The following IFNA2 variants were observed in gnomAD, a reference collection of about 807,000 sequenced individuals.
The protein encoded by IFNA2 is interferon alpha-2.
For synonymous variants in IFNA2, 91 were observed against 80.7 expected (o/e 1.13, Z -0.68); for missense variants, 260 against 210.3 (o/e 1.24, Z -1.46).
chr9:21,384,803 A>G lies in IFNA2; in HGVS notation c.527T>C (p.Leu176Ser). The change falls in exon 1 of 1, where the codon TTG (leucine) becomes TCG (serine). Residue 176 changes from leucine (L) to serine (S), a missense_variant. Physicochemically the swap from Leu to Ser is moderately radical, Grantham distance 145. Transcript: ENST00000380206. ...TAAACTTTCTTGCAAGTTTGTTGAC[A>G]AAGAAAAAGATCTCATGATTTCTGC... ...VRAEIMRSFSLSTNLQESLRS... is the reference protein window; with the variant it reads ...VRAEIMRSFSSSTNLQESLRS... 1 of 1,611,640 alleles carries G rather than the reference A, an allele frequency of 6.2e-7. No homozygotes were observed. The highest frequency in any genetic ancestry group is 8.5e-7 in the Non-Finnish European group (1 of 1,179,248).
rs760090357 is a variant in IFNA2 at position 21,385,351 on chromosome 9, T to C, written c.-22A>G. On this transcript the variant is annotated 5_prime_UTR_variant, in exon 1 of 1. Coordinates refer to ENST00000380206, the MANE Select transcript of IFNA2 (RefSeq NM_000605.4). Reference sequence around the variant, plus strand: ...CCATTGTAGATGTTGCAGATGCTGCTAGACTGGTTGAAATGGGTGAGCCTA... The same window carrying C: ...CCATTGTAGATGTTGCAGATGCTGCCAGACTGGTTGAAATGGGTGAGCCTA... 1.3e-6 allele frequency: 2 copies of C among 1,577,980 alleles called. No individual in the cohort carries two copies. The highest frequency in any genetic ancestry group is 1.7e-6 in the Non-Finnish European group (2 of 1,164,034).
In IFNA2 at chr9:21,384,802, C is replaced by T; in HGVS notation, c.528G>A (p.Leu176=). 3 of 1,611,318 alleles carry T rather than the reference C, an allele frequency of 1.9e-6. No individual in the cohort carries two copies. Among genetic ancestry groups the T allele is most frequent in the Middle Eastern group, 1.7e-4 (1 of 6,038 alleles). ...TTAAACTTTCTTGCAAGTTTGTTGA[C>T]AAAGAAAAAGATCTCATGATTTCTG... ...VRAEIMRSFS[L]STNLQESLRS... Residue 176 remains leucine, a synonymous_variant, in exon 1 of 1, where the codon TTG becomes TTA. Transcript: ENST00000380206.
rs767988415 is a variant in IFNA2 at position 21,385,278 on chromosome 9, A to T, written c.52T>A (p.Ser18Thr). ...AGATCACAGCCCACAGAGCAGCTTGACTTGCAGCTGAGCACCAGGAGGGCC... is the reference window on the plus strand; with the variant it reads ...AGATCACAGCCCACAGAGCAGCTTGTCTTGCAGCTGAGCACCAGGAGGGCC... Reference protein sequence around the residue: ...LVALLVLSCKSSCSVGCDLPQ... With the variant: ...LVALLVLSCKTSCSVGCDLPQ... Residue 18 changes from serine to threonine, a missense_variant, in exon 1 of 1, where the codon TCA becomes ACA. Ser to Thr is a moderately conservative substitution (Grantham distance 58). Transcript: ENST00000380206. The T allele has an allele frequency of 1.2e-6, 2 of 1,613,610 alleles. No homozygotes were observed.
Position 21,385,284 on chromosome 9 carries a change from A to C in IFNA2, c.46T>G (p.Cys16Gly), listed in dbSNP as rs773431420. The change falls in exon 1 of 1, where the codon TGC becomes GGC. Residue 16 changes from cysteine to glycine, a missense_variant. Physicochemically the swap from Cys to Gly is radical, Grantham distance 159. Transcript: ENST00000380206. ...CAGCCCACAGAGCAGCTTGACTTGC[A>C]GCTGAGCACCAGGAGGGCCACCAGT... ...ALLVALLVLSCKSSCSVGCDL... is the reference protein window; with the variant it reads ...ALLVALLVLSGKSSCSVGCDL... 1 of 1,613,714 alleles carries C rather than the reference A, an allele frequency of 6.2e-7. No individual in the cohort carries two copies. The highest frequency in any genetic ancestry group is 8.5e-7 in the Non-Finnish European group (1 of 1,179,810).
chr9:21,385,296 G>T lies in IFNA2; in HGVS notation c.34C>A (p.Leu12Met). ...ALTFALLVALLVLSCKSSCSV... is the reference protein window; with the variant it reads ...ALTFALLVALMVLSCKSSCSV... Reference sequence around the variant, plus strand: ...CAGCTTGACTTGCAGCTGAGCACCAGGAGGGCCACCAGTAAAGCAAAGGTC... The same window carrying T: ...CAGCTTGACTTGCAGCTGAGCACCATGAGGGCCACCAGTAAAGCAAAGGTC... Residue 12 changes from leucine (L) to methionine (M), a missense_variant, in exon 1 of 1, where the codon CTG (leucine) becomes ATG (methionine). Leu to Met is a conservative substitution (Grantham distance 15). Transcript: ENST00000380206. 6.2e-7 allele frequency: 1 copy of T among 1,613,294 alleles called. No individual in the cohort carries two copies. Among genetic ancestry groups the T allele is most frequent in the South Asian group, 1.1e-5 (1 of 91,006 alleles).
In IFNA2 at chr9:21,384,711, A is replaced by G; in HGVS notation, c.*52T>C. On this transcript the variant is annotated 3_prime_UTR_variant, in exon 1 of 1. Transcript: ENST00000380206. ...GTCTTTGAAATGGCAGATCATAAAAAGGTGAGCTGGCATACGAATCAATGA... is the reference window on the plus strand; with the variant it reads ...GTCTTTGAAATGGCAGATCATAAAAGGGTGAGCTGGCATACGAATCAATGA... 6.7e-7 allele frequency: 1 copy of G among 1,481,550 alleles called. No individual in the cohort carries two copies. The highest frequency in any genetic ancestry group is 1.3e-5 in the South Asian group (1 of 75,850). The allele number at this position is 1,481,550 out of a possible 1,614,324, so 91.8% of individuals were successfully genotyped here.
At position 21,384,539 on chromosome 9, in the gene IFNA2, T is replaced by G. The variant is rs537205729; in HGVS notation, c.*224A>C. The G allele has an allele frequency of 5.7e-6, 1 of 175,394 alleles. No homozygotes were observed. The highest frequency in any genetic ancestry group is 2.4e-5 in the African/African-American group (1 of 41,974). 10.9% of individuals were successfully genotyped at this position (175,394 alleles called of 1,614,324 possible). On this transcript the variant is annotated 3_prime_UTR_variant, in exon 1 of 1. Transcript: ENST00000380206. ...TTATAAATAGTTAAATAAATAATAT[T>G]TTAAAAATATTTAAATAGATAATGG...
At position 21,385,303 on chromosome 9, in the gene IFNA2, C is replaced by T. The variant is rs1204624781; in HGVS notation, c.27G>A (p.Val9=). 1.6e-5 allele frequency: 25 copies of T among 1,612,756 alleles called. No homozygotes were observed. The highest frequency in any genetic ancestry group is 2.0e-5 in the Non-Finnish European group (24 of 1,179,472). ...ACTTGCAGCTGAGCACCAGGAGGGC[C>T]ACCAGTAAAGCAAAGGTCAAGGCCA... MALTFALL[V]ALLVLSCKSS... is the part of the protein sequence containing the mutation. The change falls in exon 1 of 1, where the codon GTG becomes GTA. Residue 9 remains valine, a synonymous_variant. Transcript: ENST00000380206.
Position 21,384,670 on chromosome 9 carries a change from C to A in IFNA2, c.*93G>T. On this transcript the variant is annotated 3_prime_UTR_variant, in exon 1 of 1. Coordinates refer to ENST00000380206, the MANE Select transcript of IFNA2 (RefSeq NM_000605.4). ...GAAAAGATTTAAATCGTGTCATGGT[C>A]ATAGCAGAAACATGAGTCTTTGAAA... 2 of 1,267,254 alleles carry A rather than the reference C, an allele frequency of 1.6e-6. No individual in the cohort carries two copies. Among genetic ancestry groups the A allele is most frequent in the South Asian group, 2.9e-5 (2 of 68,208 alleles). 78.5% of individuals were successfully genotyped at this position (1,267,254 alleles called of 1,614,324 possible). A position where few individuals can be genotyped will look rare whatever the true frequency, so the allele number is the denominator to read the frequency against.
chr9:21,384,932 A>G lies in IFNA2; in HGVS notation c.398T>C (p.Leu133Pro). ...IQGVGVTETP[L>P]MKEDSILAVR... ...AGCCAGAATGGAGTCCTCCTTCATC[A>G]GGGGAGTCTCTGTCACCCCCACCCC... The change falls in exon 1 of 1, where the codon CTG (leucine) becomes CCG (proline). Residue 133 changes from leucine to proline, a missense_variant. Leu to Pro is a moderately conservative substitution (Grantham distance 98). Coordinates refer to ENST00000380206, the MANE Select transcript of IFNA2 (RefSeq NM_000605.4). The G allele has an allele frequency of 1.9e-6, 3 of 1,614,016 alleles. No individual in the cohort carries two copies. The highest frequency in any genetic ancestry group is 2.5e-6 in the Non-Finnish European group (3 of 1,179,958).
chr9:21,385,387 T>A lies in IFNA2; in HGVS notation c.-58A>T. The stretch of plus-strand genomic sequence containing the variant: ...AAATGGGTGAGCCTAAACCTTAGGC[T>A]CCAGGTTCTCTGAAGACCTTGCTTT... On this transcript the variant is annotated 5_prime_UTR_variant, in exon 1 of 1. Transcript: ENST00000380206. 7.1e-7 allele frequency: 1 copy of A among 1,406,100 alleles called. No individual in the cohort carries two copies. 87.1% of individuals were successfully genotyped at this position (1,406,100 alleles called of 1,614,324 possible). A position where few individuals can be genotyped will look rare whatever the true frequency, so the allele number is the denominator to read the frequency against.
In IFNA2 at chr9:21,385,344, A is replaced by T. The variant is rs192014797; in HGVS notation, c.-15T>A. ...GTCAAGGCCATTGTAGATGTTGCAG[A>T]TGCTGCTAGACTGGTTGAAATGGGT... On this transcript the variant is annotated 5_prime_UTR_variant, in exon 1 of 1. Coordinates refer to ENST00000380206, the MANE Select transcript of IFNA2 (RefSeq NM_000605.4). The T allele has an allele frequency of 2.6e-4, 420 of 1,599,076 alleles. 1 individual carries two copies. Among genetic ancestry groups the T allele is most frequent in the Non-Finnish European group, 3.3e-4 (386 of 1,172,664 alleles).
chr9:21,384,667 G>T lies in IFNA2; in HGVS notation c.*96C>A, dbSNP rs1820855970. ...TTTGAAAAGATTTAAATCGTGTCAT[G>T]GTCATAGCAGAAACATGAGTCTTTG... On this transcript the variant is annotated 3_prime_UTR_variant, in exon 1 of 1. Transcript: ENST00000380206. The T allele has an allele frequency of 8.1e-7, 1 of 1,239,576 alleles. No homozygotes were observed. Among genetic ancestry groups the T allele is most frequent in the Admixed American group, 2.4e-5 (1 of 41,918 alleles). The allele number at this position is 1,239,576 out of a possible 1,614,324, so 76.8% of individuals were successfully genotyped here. A position where few individuals can be genotyped will look rare whatever the true frequency, so the allele number is the denominator to read the frequency against.
Position 21,385,057 on chromosome 9 carries a change from G to A in IFNA2, c.273C>T (p.Ser91=). Residue 91 remains serine, a synonymous_variant, in exon 1 of 1, where the codon AGC becomes AGT. Coordinates refer to ENST00000380206, the MANE Select transcript of IFNA2 (RefSeq NM_000605.4). ...CCCAAGCAGCAGATGAGTCCTTTGT[G>A]CTGAAGAGATTGAAGATCTGCTGGA... ...EMIQQIFNLF[S]TKDSSAAWDE... is the part of the protein sequence containing the mutation. 1 of 1,613,954 alleles carries A rather than the reference G, an allele frequency of 6.2e-7. No individual in the cohort carries two copies. The highest frequency in any genetic ancestry group is 8.5e-7 in the Non-Finnish European group (1 of 1,179,952).
Position 21,385,115 on chromosome 9 carries a change from T to G in IFNA2, c.215A>C (p.Lys72Thr). The G allele has an allele frequency of 4.3e-6, 7 of 1,614,008 alleles. No homozygotes were observed. The highest frequency in any genetic ancestry group is 5.9e-6 in the Non-Finnish European group (7 of 1,179,990). ...ATGGAGGACAGGGATGGTTTCAGCC[T>G]TTTGGAACTGGTTGCCAAACTCCTC... ...PQEEFGNQFQ[K>T]AETIPVLHEM... The change falls in exon 1 of 1, where the codon AAG becomes ACG. Residue 72 changes from lysine to threonine, a missense_variant. Lys to Thr is a moderately conservative substitution (Grantham distance 78). Coordinates refer to ENST00000380206, the MANE Select transcript of IFNA2 (RefSeq NM_000605.4).
Position 21,384,882 on chromosome 9 carries a change from T to C in IFNA2, c.448A>G (p.Thr150Ala). The C allele has an allele frequency of 6.2e-7, 1 of 1,613,942 alleles. No homozygotes were observed. The highest frequency in any genetic ancestry group is 8.5e-7 in the Non-Finnish European group (1 of 1,179,936). The change falls in exon 1 of 1, where the codon ACT becomes GCT. Residue 150 changes from threonine to alanine, a missense_variant. Thr to Ala is a moderately conservative substitution (Grantham distance 58). Coordinates refer to ENST00000380206, the MANE Select transcript of IFNA2 (RefSeq NM_000605.4). ...TATTTCTTCTCTTTCAGATAGAGAG[T>C]GATTCTTTGGAAGTATTTCCTCACA... ...LAVRKYFQRITLYLKEKKYSP... is the reference protein window; with the variant it reads ...LAVRKYFQRIALYLKEKKYSP...
At position 21,385,269 on chromosome 9, in the gene IFNA2, A is replaced by G. The variant is rs892603976; in HGVS notation, c.61T>C (p.Ser21Pro). The G allele has an allele frequency of 1.2e-6, 2 of 1,613,708 alleles. No homozygotes were observed. Among genetic ancestry groups the G allele is most frequent in the Non-Finnish European group, 8.5e-7 (1 of 1,179,888 alleles). ...LLVLSCKSSC[S>P]VGCDLPQTHS... ...GTTTGAGGCAGATCACAGCCCACAG[A>G]GCAGCTTGACTTGCAGCTGAGCACC... Residue 21 changes from serine (S) to proline (P), a missense_variant, in exon 1 of 1, where the codon TCT becomes CCT. Coordinates refer to ENST00000380206, the MANE Select transcript of IFNA2 (RefSeq NM_000605.4).
rs772954632 is a variant in IFNA2, at chr9:21,385,005, T to C, written c.325A>G (p.Thr109Ala). The C allele has an allele frequency of 6.2e-7, 1 of 1,613,790 alleles. No individual in the cohort carries two copies. The highest frequency in any genetic ancestry group is 1.1e-5 in the South Asian group (1 of 91,058). ...TCATTCAGCTGCTGGTAGAGTTCAG[T>C]GTAGAATTTGTCTAGGAGGGTCTCA... The part of the protein sequence containing the change: ...WDETLLDKFY[T>A]ELYQQLNDLE... The change falls in exon 1 of 1, where the codon ACT becomes GCT. Residue 109 changes from threonine (T) to alanine (A), a missense_variant. Coordinates refer to ENST00000380206, the MANE Select transcript of IFNA2 (RefSeq NM_000605.4).
chr9:21,384,734 TG>T lies in IFNA2; in HGVS notation c.*28del, dbSNP rs777467722. The T allele has an allele frequency of 6.4e-7, 1 of 1,558,172 alleles. No homozygotes were observed. The highest frequency in any genetic ancestry group is 2.2e-5 in the East Asian group (1 of 44,502). Reference sequence around the variant, plus strand: ...AAAGGTGAGCTGGCATACGAATCAATGAAAATCATTTCCATGTTGAACCAGT... The same window carrying T: ...AAAGGTGAGCTGGCATACGAATCAATAAAATCATTTCCATGTTGAACCAGT... On this transcript the variant is annotated 3_prime_UTR_variant, in exon 1 of 1. Transcript: ENST00000380206.
Sources: gnomAD v4.1 joint callset for allele counts on GRCh38, gnomAD v4.1.1 for gene constraint, MANE v1.5 for transcripts, NCBI Gene and HGNC (gene_info 2026-07-23, HGNC 2026-07-21) for gene names.